STX18: variants seen among roughly 807,000 people sequenced by gnomAD.
STX18 encodes syntaxin-18.
Under a neutral mutation model 50.1 loss-of-function variants are expected in STX18, and 40 were observed. The observed-to-expected ratio is 0.80, with a 90% CI of 0.62 to 1.04. The LOEUF is 1.04. Ranked by LOEUF, STX18 falls within the 50% of genes least tolerant of loss-of-function variation. The pLI is 0.00. For missense variants in STX18, 410 were observed against 415.8 expected (o/e 0.99, Z 0.12); for synonymous variants, 158 against 151.8 (o/e 1.04, Z -0.30).
chr4:4,447,870 C>T (rs1009692139), intron 5 of STX18, among the ~76,000 whole-genome samples: 10 of 152,068 alleles, frequency 6.6e-5, no homozygotes, highest in African/African-American at 2.4e-4. Flanking sequence ...AAGATGCAGA[C>T]CGATGGAGGA....
chr4:4,476,469 G>A (rs1390376666), intron 1 of STX18, among the ~76,000 whole-genome samples: 4 of 152,130 alleles, frequency 2.6e-5, no homozygotes, highest in African/African-American at 7.2e-5. Context: ...TAACCATTAC[G>A]GGGAACTAGC....
intron 7 of STX18, among the ~76,000 whole-genome samples, chr4:4,427,210 C>T (rs1310833409): frequency 6.6e-6 from 1 of 152,158 alleles, no homozygotes; most frequent in East Asian, 1.9e-4. Context: ...ATCTGCTGCA[C>T]TCCAGACCCA....
intron 1 of STX18, among the ~76,000 whole-genome samples, chr4:4,501,446 A>C (rs1310306940): frequency 6.6e-6 from 1 of 152,198 alleles, no homozygotes; most frequent in African/African-American, 2.4e-5. Context: ...TTCTAATGCA[A>C]TTAAACCCAA....
intron 1 of STX18, among the ~76,000 whole-genome samples, chr4:4,502,731 G>C (rs1422786765): frequency 2.0e-5 from 3 of 152,184 alleles, no homozygotes; most frequent in Non-Finnish European, 4.4e-5. Flanking sequence ...AATTGCTAAG[G>C]TGTGTGTGCA....
chr4:4,518,515 T>A (rs1203639488), intron 1 of STX18, among the ~76,000 whole-genome samples: 1 of 152,164 alleles, frequency 6.6e-6, no homozygotes, highest in East Asian at 1.9e-4. Context: ...TCTAAGTAAA[T>A]CTATTTGTGA....
chr4:4,440,317 A>G, intron 5 of STX18, among the ~76,000 whole-genome samples: 1 of 152,232 alleles, frequency 6.6e-6, no homozygotes, highest in East Asian at 1.9e-4. Context: ...GGATAAATTT[A>G]TTTAATTTCG....
chr4:4,539,864 C>A (rs1731499219), intron 1 of STX18, among the ~76,000 whole-genome samples: 1 of 152,184 alleles, frequency 6.6e-6, no homozygotes, highest in South Asian at 2.1e-4. Context: ...AAAGGGCTTG[C>A]CAACCCAACT....
chr4:4,521,135 G>A (rs1730493271), intron 1 of STX18, among the ~76,000 whole-genome samples: 1 of 151,940 alleles, frequency 6.6e-6, no homozygotes, highest in Non-Finnish European at 1.5e-5. Context: ...AAATGCAAAA[G>A]TCTGGCAAAA....
intron 1 of STX18, chr4:4,481,600 T>C (rs1312329175): frequency 2.6e-5 from 4 of 152,364 alleles, no homozygotes; most frequent in Admixed American, 2.0e-4. Context: ...ACAAGGATCA[T>C]GTACCCAAGT....
At chr4:4,428,150 G>C (rs905506999) in intron 7 of STX18, among the ~76,000 whole-genome samples, 1 of 152,200 alleles carries the variant, frequency 6.6e-6, no homozygotes, top group Non-Finnish European at 1.5e-5. Flanking sequence ...GCCTCCCTTC[G>C]TCTGTTGCCA....
At chr4:4,540,057 G>T (rs991812396) in intron 1 of STX18, among the ~76,000 whole-genome samples, 1 of 152,186 alleles carries the variant, frequency 6.6e-6, no homozygotes, top group African/African-American at 2.4e-5. Flanking sequence ...AACTGGGAGG[G>T]AGAGTGTCCT....
chr4:4,448,376 C>G (rs1231042197), intron 5 of STX18, among the ~76,000 whole-genome samples: 1 of 151,520 alleles, frequency 6.6e-6, no homozygotes, highest in Non-Finnish European at 1.5e-5. Flanking sequence ...GAGTCTCACT[C>G]CATCACCCAG....
rs535844645 is a variant in STX18 at position 4,515,466 on chromosome 4, G to A, written c.168+26331C>T. The stretch of plus-strand genomic sequence containing the variant: ...TTTGAACTGGCTGTGGTGGTTCATG[G>A]TAATTAATTCTCACTTAAAGATTCA... On this transcript the variant is annotated intron_variant, in intron 1 of 10. Coordinates refer to ENST00000306200, the MANE Select transcript of STX18 (RefSeq NM_016930.4). Among the ~76,000 whole-genome samples the A allele has an allele frequency of 2.0e-5, 3 of 152,206 alleles. No individual in the cohort carries two copies. In the South Asian group the frequency reaches 6.2e-4, roughly 32 times the overall value.
At chr4:4,436,885 C>T (rs1338150957) in intron 6 of STX18, among the ~76,000 whole-genome samples, 1 of 151,810 alleles carries the variant, frequency 6.6e-6, no homozygotes, top group African/African-American at 2.4e-5. Flanking sequence ...AGCATTTGCT[C>T]ATGCTGCTGC....
chr4:4,507,891 T>G (rs1729802174), intron 1 of STX18: 4 of 539,656 alleles, frequency 7.4e-6, no homozygotes, highest in Non-Finnish European at 1.3e-5. Context: ...GTCCCTTATG[T>G]TCTAGCCTAG....
chr4:4,463,945 A>T lies in STX18; in HGVS notation c.237-4458T>A, dbSNP rs1164022651. Among the ~76,000 whole-genome samples the T allele has an allele frequency of 2.0e-5, 3 of 152,218 alleles. 1 individual carries two copies. The South Asian group carries it at 6.2e-4, about 32-fold the overall frequency. Reference sequence around the variant, plus strand: ...GCAAGTAGACAAAGCATCAAGGATTATTTAAAATTCAACTAGGGTATAATT... The same window carrying T: ...GCAAGTAGACAAAGCATCAAGGATTTTTTAAAATTCAACTAGGGTATAATT... On this transcript the variant is annotated intron_variant, in intron 2 of 10. Transcript: ENST00000306200.
intron 2 of STX18, among the ~76,000 whole-genome samples, chr4:4,465,540 A>G (rs370956756): frequency 1.2e-4 from 19 of 152,172 alleles, no homozygotes; most frequent in African/African-American, 4.6e-4. Context: ...TCACTTATAA[A>G]TGGGAGCTGA....
Position 4,420,057 on chromosome 4 carries a change from A to G in STX18, c.985T>C (p.Phe329Leu), listed in dbSNP as rs1724846003. The change falls in exon 11 of 11, where the codon TTC (phenylalanine) becomes CTC (leucine). Residue 329 changes from phenylalanine to leucine, a missense_variant. Coordinates refer to ENST00000306200, the MANE Select transcript of STX18 (RefSeq NM_016930.4). The surrounding 1 kb of genome is among the most constrained non-coding windows in gnomAD (Gnocchi z 4.3). ...GGCTAGCTGTCGTACCAGTCGAGGA[A>G]GAGCAAGGAGAAGGAGCACATCACG... The part of the protein sequence containing the change: ...FLVMCSFSLL[F>L]LDWYDS 1 of 1,613,018 alleles carries G rather than the reference A, an allele frequency of 6.2e-7. No homozygotes were observed. The highest frequency in any genetic ancestry group is 1.3e-5 in the African/African-American group (1 of 74,904).
chr4:4,518,821 T>G (rs770502201), intron 1 of STX18, among the ~76,000 whole-genome samples: 4 of 152,216 alleles, frequency 2.6e-5, no homozygotes, highest in Non-Finnish European at 5.9e-5. Context: ...ACACGTGCAC[T>G]TTATTTTATG....
Sources: gnomAD v4.1 joint callset for allele counts (sites outside exome capture counted in the v4.1 genomes callset) on GRCh38, gnomAD v4.1.1 for gene constraint, Gnocchi (gnomAD v3.1) non-coding constraint, MANE v1.5 for transcripts, NCBI Gene and HGNC (gene_info 2026-07-23, HGNC 2026-07-21) for gene names.